The following INVS variants were observed in gnomAD, a reference collection of about 807,000 sequenced individuals.
The protein encoded by INVS is inversion of embryo turning homolog.
In INVS, 86 loss-of-function variants were observed where a neutral mutation model predicts 108.8. The ratio of observed to expected loss-of-function variants is 0.79; its 90% CI spans 0.66 to 0.95. The LOEUF (loss-of-function observed/expected upper bound fraction) is 0.95, where lower values mean the gene tolerates loss of function less well. Ranked by LOEUF, INVS falls within the 40% of genes least tolerant of loss-of-function variation. The probability of loss-of-function intolerance (pLI) is 0.00; values close to 1 mark genes in which losing one functional copy is unlikely to be tolerated. For missense variants in INVS, 1,169 were observed against 1,297.4 expected, an observed-to-expected ratio of 0.90 and a Z score of 1.52; for synonymous variants, 455 against 473.5, an observed-to-expected ratio of 0.96 and a Z score of 0.51.
intron 3 of INVS, among the ~76,000 whole-genome samples, chr9:100,186,259 T>G (rs1030940474): frequency 1.4e-4 from 22 of 152,108 alleles, no homozygotes; most frequent in African/African-American, 5.3e-4. Flanking sequence ...TAAACAATTC[T>G]CTGCCTCAGC....
chr9:100,237,359 G>A (rs1333133771), intron 5 of INVS, among the ~76,000 whole-genome samples: 2 of 152,120 alleles, frequency 1.3e-5, no homozygotes, highest in Non-Finnish European at 2.9e-5. Context: ...CTTTCCAGTG[G>A]AGTGAACGGT....
intron 14 of INVS, among the ~76,000 whole-genome samples, chr9:100,293,784 T>G (rs934108352): frequency 6.6e-6 from 1 of 152,222 alleles, no homozygotes; most frequent in African/African-American, 2.4e-5. Context: ...ATAATCTCTT[T>G]CATCCTGAAA....
intron 3 of INVS, among the ~76,000 whole-genome samples, chr9:100,168,596 G>A (rs1008250882): frequency 6.6e-6 from 1 of 152,144 alleles, no homozygotes; most frequent in African/African-American, 2.4e-5. Context: ...AGGTCTAATT[G>A]GATTGAGAAT....
intron 5 of INVS, 58 bp downstream of exon 5, chr9:100,229,885 A>T: frequency 6.7e-7 from 1 of 1,497,700 alleles, no homozygotes; most frequent in Non-Finnish European, 9.2e-7. Flanking sequence ...ATTATGAATT[A>T]TTTAATATAT....
intron 10 of INVS, among the ~76,000 whole-genome samples, chr9:100,262,252 T>C (rs1299066840): frequency 1.3e-5 from 2 of 151,838 alleles, no homozygotes; most frequent in Non-Finnish European, 2.9e-5. Flanking sequence ...AAAAAAAAGT[T>C]AGAAAATAGT....
intron 4 of INVS, 80 bp from the exon 5 acceptor site, chr9:100,229,580 A>C: frequency 1.6e-6 from 2 of 1,275,796 alleles, no homozygotes; most frequent in Admixed American, 3.6e-5. Context: ...AAACTCTTAT[A>C]ACAGTGCCTG....
At chr9:100,105,888 A>G (rs980592397) in intron 2 of INVS, among the ~76,000 whole-genome samples, 26 of 92,486 alleles carry the variant, frequency 2.8e-4, no homozygotes, top group African/African-American at 9.5e-4. Flanking sequence ...CTTCTGTTGC[A>G]CTTGACTGTT....
intron 2 of INVS, among the ~76,000 whole-genome samples, chr9:100,120,229 G>A (rs991421380): frequency 2.6e-5 from 4 of 152,120 alleles, no homozygotes; most frequent in Admixed American, 6.6e-5. Flanking sequence ...AAGTATATTC[G>A]AGTTATTCAA....
intron 3 of INVS, among the ~76,000 whole-genome samples, chr9:100,189,656 A>T (rs533725616): frequency 6.6e-6 from 1 of 152,302 alleles, no homozygotes; most frequent in South Asian, 2.1e-4. Context: ...TTAAAAATTT[A>T]GTGAGACTTA....
chr9:100,175,390 C>T, intron 3 of INVS: 2 of 838,518 alleles, frequency 2.4e-6, no homozygotes, highest in South Asian at 1.3e-5. Context: ...GAGAAGAGCA[C>T]CGCAAAAAAG....
At chr9:100,240,509 T>G (rs1321412959) in intron 6 of INVS, among the ~76,000 whole-genome samples, 1 of 152,166 alleles carries the variant, frequency 6.6e-6, no homozygotes, top group East Asian at 1.9e-4. Context: ...AACATAAACC[T>G]CTTTTCACAT....
chr9:100,133,764 TACACACACACACAC>T (rs147744972), intron 3 of INVS, among the ~76,000 whole-genome samples: 14 of 123,916 alleles, frequency 1.1e-4, no homozygotes, highest in South Asian at 3.5e-4. Context: ...CTGCCAAAGC[TACACACACACACAC>T]ACACACACAC....
chr9:100,130,592 T>A (rs536909174), intron 3 of INVS: 12 of 152,312 alleles, frequency 7.9e-5, no homozygotes, highest in South Asian at 4.1e-4. Flanking sequence ...CCATCCCTAT[T>A]AATCGTCATT....
At chr9:100,144,800 AG>A (rs1419809255) in intron 3 of INVS, among the ~76,000 whole-genome samples, 5 of 152,044 alleles carry the variant, frequency 3.3e-5, no homozygotes, top group African/African-American at 2.4e-5. Flanking sequence ...TCTGTAGAAA[AG>A]GAAGACTGGA....
rs530019618 is a variant in INVS, at chr9:100,270,291, G to A, written c.1572-2573G>A. On this transcript the variant is annotated intron_variant, in intron 11 of 16. Coordinates refer to ENST00000262457, the MANE Select transcript of INVS (RefSeq NM_014425.5). Reference sequence around the variant, plus strand: ...TCTGTATATTTACCCAATTTTTTATGTTTCCAAAATTTATGAAGAAATTTT... The same window carrying A: ...TCTGTATATTTACCCAATTTTTTATATTTCCAAAATTTATGAAGAAATTTT... Among the ~76,000 whole-genome samples the A allele has an allele frequency of 2.4e-3, 360 of 152,228 alleles. 3 individuals are homozygous for A. The highest frequency in any genetic ancestry group is 2.6e-3 in the Admixed American group (39 of 15,280).
chr9:100,251,666 G>GGACTATA (rs1832242647), intron 8 of INVS, among the ~76,000 whole-genome samples: 5 of 152,106 alleles, frequency 3.3e-5, no homozygotes, highest in Admixed American at 3.3e-4. Flanking sequence ...CAAGTAGCTG[G>GGACTATA]GACTATAGAC....
rs765054405 is a variant in INVS at position 100,302,145 on chromosome 9, G to C, written c.*1471G>C. 5.2e-6 allele frequency: 6 copies of C among 1,153,126 alleles called. No homozygotes were observed. Among genetic ancestry groups the C allele is most frequent in the Non-Finnish European group, 7.4e-6 (6 of 813,686 alleles). The allele number at this position is 1,153,126 out of a possible 1,614,324, so 71.4% of individuals were successfully genotyped here. On this transcript the variant is annotated 3_prime_UTR_variant, in exon 17 of 17. Transcript: ENST00000262457. ...TACATCAGTCTTTTTCTTCAAATAA[G>C]ATAGATGTGAATAAACAACTTCAAA...
intron 5 of INVS, among the ~76,000 whole-genome samples, chr9:100,237,860 C>G (rs1295227221): frequency 6.7e-6 from 1 of 150,106 alleles, no homozygotes; most frequent in African/African-American, 2.5e-5. Flanking sequence ...GTGGTCAACT[C>G]TCTCTGGTTT....
intron 5 of INVS, among the ~76,000 whole-genome samples, chr9:100,238,697 T>A (rs1831769187): frequency 6.6e-6 from 1 of 152,228 alleles, no homozygotes; most frequent in Non-Finnish European, 1.5e-5. Flanking sequence ...GTTTACTAAG[T>A]TTTTCTTCAA....
Sources: allele counts gnomAD v4.1 joint callset (sites outside exome capture counted in the v4.1 genomes callset), GRCh38; gene constraint gnomAD v4.1.1; transcripts MANE v1.5; gene names NCBI Gene and HGNC (gene_info 2026-07-23, HGNC 2026-07-21).